Variants in CHRNB2 observed in about 807,000 individuals in gnomAD.
CHRNB2 encodes the protein neuronal acetylcholine receptor subunit beta-2.
In CHRNB2, 33 loss-of-function variants were observed where a neutral mutation model predicts 42.7. That is an observed-to-expected ratio of 0.77 (90% CI 0.59 to 1.03). The LOEUF is 1.03. Among genes scored for constraint, CHRNB2 ranks in the 50% least tolerant of loss-of-function variants. CHRNB2 has a pLI of 0.00. For synonymous variants in CHRNB2, 325 were observed against 292.9 expected (o/e 1.11, Z -1.12); for missense variants, 603 against 700.9 (o/e 0.86, Z 1.58).
intron 5 of CHRNB2, among the ~76,000 whole-genome samples, 169 bp from the exon 6 acceptor site, chr1:154,575,593 G>C (rs1696255981): frequency 6.6e-6 from 1 of 152,090 alleles, no homozygotes; most frequent in African/African-American, 2.4e-5. Flanking sequence ...GAAGGCAGTG[G>C]GGCCACTGGA....
In CHRNB2 at chr1:154,568,093, C is replaced by T. The variant is rs773898286; in HGVS notation, c.49C>T (p.Leu17Phe). ...GGCGCTGCTCCTTGGCTTCGGCCTC[C>T]TCCGGCTGTGCTCAGGTAAGGGAAA... ...PVALLLGFGL[L>F]RLCSGVWGTD... is the part of the protein sequence containing the mutation. Residue 17 changes from leucine to phenylalanine, a missense_variant, in exon 1 of 6, where the codon CTC becomes TTC. Leu to Phe is a conservative substitution (Grantham distance 22). Transcript: ENST00000368476. The T allele has an allele frequency of 5.6e-6, 9 of 1,604,006 alleles. No individual in the cohort carries two copies. The highest frequency in any genetic ancestry group is 1.3e-5 in the African/African-American group (1 of 74,924).
chr1:154,576,432 G>A lies in CHRNB2; in HGVS notation c.*500G>A. 1 of 248,438 alleles carries A rather than the reference G, an allele frequency of 4.0e-6. No individual in the cohort carries two copies. Among genetic ancestry groups the A allele is most frequent in the East Asian group, 1.0e-4 (1 of 10,016 alleles). The allele number at this position is 248,438 out of a possible 1,614,324, so 15.4% of individuals were successfully genotyped here. On this transcript the variant is annotated 3_prime_UTR_variant, in exon 6 of 6. Transcript: ENST00000368476. Reference sequence around the variant, plus strand: ...ACCTGACACCTGCCGCTGCTTGAGTGGACAGCAGCTGGACTGGGTGGGCCC... The same window carrying A: ...ACCTGACACCTGCCGCTGCTTGAGTAGACAGCAGCTGGACTGGGTGGGCCC...
Position 154,575,987 on chromosome 1 carries a change from T to C in CHRNB2, c.*55T>C, listed in dbSNP as rs1283612553. 5.0e-6 allele frequency: 8 copies of C among 1,606,236 alleles called. No individual in the cohort carries two copies. The East Asian group carries it at 8.9e-5, about 18-fold the overall frequency. On this transcript the variant is annotated 3_prime_UTR_variant, in exon 6 of 6. Coordinates refer to ENST00000368476, the MANE Select transcript of CHRNB2 (RefSeq NM_000748.3). ...CCTGCCACCCTCTGCTGCACAGTAGTGTTGGGTGGAGGATGGACGAGTGAG... is the reference window on the plus strand; with the variant it reads ...CCTGCCACCCTCTGCTGCACAGTAGCGTTGGGTGGAGGATGGACGAGTGAG...
At position 154,572,159 on chromosome 1, in the gene CHRNB2, A is replaced by G. The variant is rs1553204449; in HGVS notation, c.1336A>G (p.Ser446Gly). ...DHMRSEDDDQSVSEDWKYVAM... is the reference protein window; with the variant it reads ...DHMRSEDDDQGVSEDWKYVAM... ...CATGCGGAGCGAGGACGATGACCAG[A>G]GCGTGAGTGCCGCAGGCTGGGACCC... Residue 446 changes from serine (S) to glycine (G), a missense_variant and splice_region_variant, in exon 5 of 6, where the codon AGC (serine) becomes GGC (glycine). This residue lies in a region of CHRNB2 where 270 missense variants were observed against 248.3 expected (regional missense o/e 1.09). Transcript: ENST00000368476. The G allele has an allele frequency of 1.3e-6, 2 of 1,537,048 alleles. No homozygotes were observed. Among genetic ancestry groups the G allele is most frequent in the Non-Finnish European group, 1.7e-6 (2 of 1,146,502 alleles).
intron 2 of CHRNB2, 44 bp downstream of exon 2, chr1:154,569,651 C>A: frequency 1.2e-6 from 2 of 1,613,716 alleles, no homozygotes; most frequent in Admixed American, 1.7e-5. Flanking sequence ...CTGAAATCAG[C>A]CCCGCCAAAA....
At chr1:154,572,183 C>T (rs1255759480) in intron 5 of CHRNB2, 22 bp downstream of exon 5, 5 of 1,535,906 alleles carry the variant, frequency 3.3e-6, no homozygotes, top group Non-Finnish European at 4.4e-6. Context: ...AGGCTGGGAC[C>T]CCGGGCGTGA....
chr1:154,569,435 C>T, intron 1 of CHRNB2, 27 bp from the exon 2 acceptor site: 2 of 1,612,776 alleles, frequency 1.2e-6, no homozygotes, highest in Non-Finnish European at 1.7e-6. Context: ...TGCCTGCTTA[C>T]TTTCGTCCTG....
chr1:154,574,876 CCT>C lies in CHRNB2; in HGVS notation c.1339-885_1339-884del, dbSNP rs150660258. On this transcript the variant is annotated intron_variant, in intron 5 of 5. Transcript: ENST00000368476. ...ATGCTCAGTGGCTGTCTCCCCACCC[CCT>C]GAGCTGGCCTGGCTCCAGATAAACA... Among the ~76,000 whole-genome samples the C allele has an allele frequency of 7.7e-3, 1,172 of 152,298 alleles. 20 individuals are homozygous for C. The highest frequency in any genetic ancestry group is 0.027 in the African/African-American group (1,103 of 41,544).
intron 1 of CHRNB2, among the ~76,000 whole-genome samples, 157 bp downstream of exon 1, chr1:154,568,265 C>T (rs1172523540): frequency 6.6e-6 from 1 of 152,086 alleles, no homozygotes; most frequent in Non-Finnish European, 1.5e-5. Flanking sequence ...CCCCCCGGGA[C>T]TGCAGAGAGC....
rs963420196 is a variant in CHRNB2, at chr1:154,577,232, T to C, written c.*1300T>C. On this transcript the variant is annotated 3_prime_UTR_variant, in exon 6 of 6. Coordinates refer to ENST00000368476, the MANE Select transcript of CHRNB2 (RefSeq NM_000748.3). ...GTCCCTGGAAGCTGTACCCTGACTCTGCTTCCAGAGGCCAGCAGATGGTGG... is the reference window on the plus strand; with the variant it reads ...GTCCCTGGAAGCTGTACCCTGACTCCGCTTCCAGAGGCCAGCAGATGGTGG... 6.6e-6 allele frequency: 1 copy of C among 152,250 alleles called. No individual in the cohort carries two copies. The highest frequency in any genetic ancestry group is 2.4e-5 in the African/African-American group (1 of 41,464). 9.4% of individuals were successfully genotyped at this position (152,250 alleles called of 1,614,324 possible).
At chr1:154,570,653 A>G (rs1297493097) in intron 4 of CHRNB2, among the ~76,000 whole-genome samples, 3 of 152,084 alleles carry the variant, frequency 2.0e-5, no homozygotes, top group East Asian at 1.9e-4. Flanking sequence ...GCCTCAACTG[A>G]TTCAGGAACA....
intron 5 of CHRNB2, among the ~76,000 whole-genome samples, chr1:154,573,352 C>G (rs930951408): frequency 6.6e-6 from 1 of 152,196 alleles, no homozygotes; most frequent in Non-Finnish European, 1.5e-5. Flanking sequence ...ACCTCAAACT[C>G]AACATGCTCA....
In CHRNB2 at chr1:154,572,024, G is replaced by T. The variant is rs902984484; in HGVS notation, c.1201G>T (p.Gly401Trp). ...CCGCGCGTCGGTGCAGGGGTTGGCC[G>T]GGGCCTTCGGGGCTGAGCCTGCACC... is the stretch of plus-strand genomic sequence containing the variant. ...VNRASVQGLA[G>W]AFGAEPAPVA... Residue 401 changes from glycine (G) to tryptophan (W), a missense_variant, in exon 5 of 6, where the codon GGG becomes TGG. Around this residue, in one of 2 missense-constraint regions of CHRNB2, gnomAD observed 270 missense variants for 248.3 expected, o/e 1.09. Coordinates refer to ENST00000368476, the MANE Select transcript of CHRNB2 (RefSeq NM_000748.3). 1 of 1,533,404 alleles carries T rather than the reference G, an allele frequency of 6.5e-7. No homozygotes were observed. The allele number at this position is 1,533,404 out of a possible 1,614,324, so 95.0% of individuals were successfully genotyped here. A position where few individuals can be genotyped will look rare whatever the true frequency, so the allele number is the denominator to read the frequency against.
chr1:154,571,869 T>C lies in CHRNB2; in HGVS notation c.1046T>C (p.Met349Thr), dbSNP rs141735618. 167 of 1,603,764 alleles carry C rather than the reference T, an allele frequency of 1.0e-4. No individual in the cohort carries two copies. Among genetic ancestry groups the C allele is most frequent in the Non-Finnish European group, 1.4e-4 (162 of 1,177,416 alleles). The change falls in exon 5 of 6, where the codon ATG becomes ACG. Residue 349 changes from methionine (M) to threonine (T), a missense_variant. Coordinates refer to ENST00000368476, the MANE Select transcript of CHRNB2 (RefSeq NM_000748.3). This position sits in a 1 kb window ranked among gnomAD's most constrained non-coding sequence, Gnocchi z 6.8. The stretch of plus-strand genomic sequence containing the variant: ...GAGAAGCTGCCCGCGCTGCTCTTCA[T>C]GCAGCAGCCACGCCATCATTGCGCC... Reference protein sequence around the residue: ...FLEKLPALLFMQQPRHHCARQ... With the variant: ...FLEKLPALLFTQQPRHHCARQ...
At chr1:154,569,440 G>T (rs200114372) in intron 1 of CHRNB2, 22 bp from the exon 2 acceptor site, 2 of 1,612,926 alleles carry the variant, frequency 1.2e-6, no homozygotes, top group South Asian at 1.1e-5. Context: ...GCTTACTTTC[G>T]TCCTGCCTTT....
Position 154,571,332 on chromosome 1 carries a change from C to G in CHRNB2, c.509C>G (p.Thr170Ser), listed in dbSNP as rs1336648495. Reference sequence around the variant, plus strand: ...TTCCCATTTGACCAGCAGAACTGCACCATGAAGTTCCGTTCGTGGACCTAC... The same window carrying G: ...TTCCCATTTGACCAGCAGAACTGCAGCATGAAGTTCCGTTCGTGGACCTAC... The part of the protein sequence containing the change: ...KHFPFDQQNC[T>S]MKFRSWTYDR... Residue 170 changes from threonine (T) to serine (S), a missense_variant, in exon 5 of 6, where the codon ACC becomes AGC. Physicochemically the swap from Thr to Ser is moderately conservative, Grantham distance 58. Around this residue, in one of 2 missense-constraint regions of CHRNB2, gnomAD observed 333 missense variants for 452.6 expected, o/e 0.74. Coordinates refer to ENST00000368476, the MANE Select transcript of CHRNB2 (RefSeq NM_000748.3). This position sits in a 1 kb window ranked among gnomAD's most constrained non-coding sequence, Gnocchi z 6.8. The G allele has an allele frequency of 1.2e-6, 2 of 1,614,096 alleles. No homozygotes were observed. The highest frequency in any genetic ancestry group is 2.7e-5 in the African/African-American group (2 of 74,922).
Position 154,576,387 on chromosome 1 carries a change from AAGAG to A in CHRNB2, c.*460_*463del, listed in dbSNP as rs1314615944. The A allele has an allele frequency of 1.0e-5, 3 of 285,844 alleles. No individual in the cohort carries two copies. The highest frequency in any genetic ancestry group is 6.5e-5 in the African/African-American group (3 of 45,904). The allele number at this position is 285,844 out of a possible 1,614,324, so 17.7% of individuals were successfully genotyped here. On this transcript the variant is annotated 3_prime_UTR_variant, in exon 6 of 6. Transcript: ENST00000368476. ...ACAATGGTAGCTCTGAAGGGAGGGG[AAGAG>A]AGAGGCCTGGGTGTGACCTGACACC... is the stretch of plus-strand genomic sequence containing the variant.
intron 5 of CHRNB2, among the ~76,000 whole-genome samples, chr1:154,573,295 G>C (rs947392952): frequency 6.6e-6 from 1 of 152,164 alleles, no homozygotes; most frequent in Non-Finnish European, 1.5e-5. Context: ...TGCATTTACC[G>C]AGCTAGGTGC....
intron 5 of CHRNB2, among the ~76,000 whole-genome samples, chr1:154,575,390 A>G (rs930675404): frequency 6.6e-6 from 1 of 152,174 alleles, no homozygotes; most frequent in African/African-American, 2.4e-5. Context: ...GCTTTGAAAG[A>G]TATGTAGGAG....
Sources: allele counts gnomAD v4.1 joint callset (sites outside exome capture counted in the v4.1 genomes callset), GRCh38; gene constraint gnomAD v4.1.1; regional missense constraint gnomAD v4.1.1; non-coding constraint Gnocchi (gnomAD v3.1); transcripts MANE v1.5; gene names NCBI Gene and HGNC (gene_info 2026-07-23, HGNC 2026-07-21).